The following CLSTN2 variants were observed in gnomAD, a reference collection of about 807,000 sequenced individuals.
The protein encoded by CLSTN2 is calsyntenin 2.
CLSTN2 carries 48 observed loss-of-function variants against 101.2 expected under a neutral mutation model. That is an observed-to-expected ratio of 0.47 (90% CI 0.38 to 0.60). The LOEUF (loss-of-function observed/expected upper bound fraction) is 0.60, where lower values mean the gene tolerates loss of function less well. CLSTN2 is among the 20% of genes least tolerant of loss of function. The pLI is 0.00. For missense variants in CLSTN2, 1,160 were observed against 1,238.2 expected (o/e 0.94, Z 0.95); for synonymous variants, 481 against 463.6 (o/e 1.04, Z -0.48).
At chr3:140,135,117 C>CACACAAAT (rs1488268767) in intron 1 of CLSTN2, among the ~76,000 whole-genome samples, 1 of 58,106 alleles carries the variant, frequency 1.7e-5, no homozygotes, top group Non-Finnish European at 3.0e-5. Context: ...CACACACACA[C>CACACAAAT]ATATATATAT....
At chr3:140,481,161 A>G (rs1436195801) in intron 8 of CLSTN2, among the ~76,000 whole-genome samples, 188 of 152,296 alleles carry the variant, frequency 1.2e-3, no homozygotes, top group Non-Finnish European at 8.8e-5. Flanking sequence ...AGCTTTCTAC[A>G]TATGGCTAGC....
chr3:140,092,014 A>G (rs2008786974), intron 1 of CLSTN2, among the ~76,000 whole-genome samples: 1 of 152,148 alleles, frequency 6.6e-6, no homozygotes, highest in Non-Finnish European at 1.5e-5. Flanking sequence ...AGGAAGCTTT[A>G]CAGAGAGCAG....
intron 4 of CLSTN2, among the ~76,000 whole-genome samples, chr3:140,408,357 C>T (rs754817276): frequency 1.4e-4 from 21 of 152,266 alleles, no homozygotes; most frequent in Middle Eastern, 6.8e-3. Context: ...TTGGAGACAT[C>T]TGGGAACAAA....
intron 2 of CLSTN2, among the ~76,000 whole-genome samples, chr3:140,288,003 A>G (rs972568490): frequency 1.7e-4 from 26 of 152,128 alleles, no homozygotes; most frequent in African/African-American, 4.6e-4. Flanking sequence ...GGATTCTACC[A>G]TATGCTTATC....
At chr3:140,001,502 G>C (rs566525232) in intron 1 of CLSTN2, among the ~76,000 whole-genome samples, 27 of 151,706 alleles carry the variant, frequency 1.8e-4, no homozygotes, top group African/African-American at 6.3e-4. Context: ...GTACATAGTA[G>C]GTGTATGTAT....
At chr3:140,488,638 C>CTTTTT (rs66504085) in intron 8 of CLSTN2, among the ~76,000 whole-genome samples, 8 of 73,710 alleles carry the variant, frequency 1.1e-4, no homozygotes, top group Non-Finnish European at 1.6e-4. Flanking sequence ...TTAATACGTG[C>CTTTTT]TTTTTTTTTT....
chr3:140,357,397 T>C (rs1254384866), intron 2 of CLSTN2, among the ~76,000 whole-genome samples: 1 of 151,898 alleles, frequency 6.6e-6, no homozygotes, highest in Non-Finnish European at 1.5e-5. Context: ...GCCAACAACA[T>C]CAGAGCCACA....
intron 5 of CLSTN2, 115 bp downstream of exon 5, chr3:140,421,389 TG>T: frequency 8.0e-7 from 1 of 1,248,152 alleles, no homozygotes; most frequent in Non-Finnish European, 1.1e-6. Context: ...GTCACTTTGC[TG>T]TGAGAAATAA....
At chr3:139,963,937 G>A (rs1281892093) in intron 1 of CLSTN2, among the ~76,000 whole-genome samples, 1 of 152,206 alleles carries the variant, frequency 6.6e-6, no homozygotes, top group Non-Finnish European at 1.5e-5. Context: ...CACATCACAG[G>A]TGGGCTTCAA....
At chr3:140,055,088 G>A (rs1379626376) in intron 1 of CLSTN2, among the ~76,000 whole-genome samples, 1 of 152,182 alleles carries the variant, frequency 6.6e-6, no homozygotes, top group African/African-American at 2.4e-5. Context: ...TTTCCTTCTA[G>A]ATAGGAAAGC....
intron 2 of CLSTN2, among the ~76,000 whole-genome samples, chr3:140,205,654 G>A (rs2010773539): frequency 7.8e-6 from 1 of 128,256 alleles, no homozygotes; most frequent in African/African-American, 3.0e-5. Flanking sequence ...CACCTGCTAT[G>A]CATGTTCACA....
At chr3:140,006,860 G>C (rs558959138) in intron 1 of CLSTN2, among the ~76,000 whole-genome samples, 1 of 152,278 alleles carries the variant, frequency 6.6e-6, no homozygotes, top group East Asian at 1.9e-4. Context: ...AGGATGAAAT[G>C]AGGGAGGCGC....
intron 2 of CLSTN2, among the ~76,000 whole-genome samples, chr3:140,261,566 A>G (rs764065426): frequency 6.6e-5 from 10 of 151,146 alleles, no homozygotes; most frequent in Non-Finnish European, 8.9e-5. Context: ...GGAGACTGGT[A>G]TTAGAAACCA....
intron 2 of CLSTN2, among the ~76,000 whole-genome samples, chr3:140,189,359 T>A (rs956078680): frequency 6.6e-6 from 1 of 152,202 alleles, no homozygotes; most frequent in East Asian, 1.9e-4. Context: ...ATTTTTACTT[T>A]CCCACCGGCA....
intron 8 of CLSTN2, among the ~76,000 whole-genome samples, chr3:140,490,492 G>A (rs1934332431): frequency 6.6e-6 from 1 of 150,630 alleles, no homozygotes; most frequent in Non-Finnish European, 1.5e-5. Flanking sequence ...CATCCTTGCT[G>A]CTATTTGCCC....
intron 1 of CLSTN2, among the ~76,000 whole-genome samples, chr3:139,977,732 C>T (rs547162536): frequency 5.3e-5 from 8 of 152,250 alleles, no homozygotes; most frequent in Non-Finnish European, 1.0e-4. Flanking sequence ...GGGCAAAGCC[C>T]TGAACAGGCA....
intron 1 of CLSTN2, among the ~76,000 whole-genome samples, chr3:140,081,290 G>A (rs994352296): frequency 1.1e-4 from 16 of 152,150 alleles, no homozygotes; most frequent in African/African-American, 2.9e-4. Context: ...TAAAGAATAC[G>A]AAAGTATTGA....
At chr3:140,515,464 G>C (rs1934899540) in intron 8 of CLSTN2, among the ~76,000 whole-genome samples, 1 of 152,036 alleles carries the variant, frequency 6.6e-6, no homozygotes. Context: ...GCCTTAGATT[G>C]TCCATTTGTG....
chr3:140,528,418 C>T (rs1198475816), intron 8 of CLSTN2, among the ~76,000 whole-genome samples: 3 of 152,204 alleles, frequency 2.0e-5, no homozygotes, highest in Non-Finnish European at 4.4e-5. Flanking sequence ...TCATCTACCT[C>T]AACAGGGTTA....
Sources: allele counts gnomAD v4.1 joint callset (sites outside exome capture counted in the v4.1 genomes callset), GRCh38; gene constraint gnomAD v4.1.1; transcripts MANE v1.5; gene names NCBI Gene and HGNC (gene_info 2026-07-23, HGNC 2026-07-21).